WASF3: variants seen among roughly 807,000 people sequenced by gnomAD.
WASF3 encodes WASP family member 3.
In WASF3, 11 loss-of-function variants were observed where a neutral mutation model predicts 46.6. The ratio of observed to expected loss-of-function variants is 0.24; its 90% CI spans 0.15 to 0.39. The LOEUF is 0.39. WASF3 is among the 10% of genes least tolerant of loss of function. WASF3 has a pLI of 1.00. For synonymous variants in WASF3, 242 were observed against 259.7 expected (o/e 0.93, Z 0.65); for missense variants, 576 against 669.8 (o/e 0.86, Z 1.55).
At chr13:26,639,095 TCA>T (rs1351771375) in intron 2 of WASF3, among the ~76,000 whole-genome samples, 1 of 152,188 alleles carries the variant, frequency 6.6e-6, no homozygotes, top group East Asian at 1.9e-4. Flanking sequence ...CTACCCAGTC[TCA>T]GGTACTCTGT....
At position 26,656,538 on chromosome 13, in the gene WASF3, C is replaced by T. The variant is rs550015412; in HGVS notation, c.134-8490C>T. On this transcript the variant is annotated intron_variant, in intron 3 of 9. Coordinates refer to ENST00000335327, the MANE Select transcript of WASF3 (RefSeq NM_006646.6). ...TATTACTAACAATCTGGCCAGCCTA[C>T]AATAAATAACAAAATTGTTTTTCCC... Among the ~76,000 whole-genome samples, 4 of 152,104 alleles carry T rather than the reference C, an allele frequency of 2.6e-5. No individual in the cohort carries two copies. In the East Asian group the frequency reaches 7.7e-4, roughly 29 times the overall value.
chr13:26,552,142 G>A, the WASF3 span, among the ~76,000 whole-genome samples: 1 of 152,184 alleles, frequency 6.6e-6, no homozygotes, highest in Non-Finnish European at 1.5e-5. Flanking sequence ...TGGAAAAACA[G>A]CTTGTCTGTG....
At chr13:26,671,484 G>A (rs1251486565) in intron 5 of WASF3, among the ~76,000 whole-genome samples, 1 of 152,172 alleles carries the variant, frequency 6.6e-6, no homozygotes, top group Non-Finnish European at 1.5e-5. Flanking sequence ...CAGTGTAGAA[G>A]TGAATGTGTT....
upstream of WASF3, among the ~76,000 whole-genome samples, chr13:26,554,038 T>TC (rs1185252694): frequency 8.4e-4 from 78 of 92,578 alleles, 16 homozygotes; most frequent in East Asian, 3.4e-3. Context: ...TCTTTCTCTT[T>TC]CTTTCCTTCC....
At chr13:26,564,716 C>A (rs938741322) in intron 1 of WASF3, among the ~76,000 whole-genome samples, 1 of 152,042 alleles carries the variant, frequency 6.6e-6, no homozygotes. Flanking sequence ...ATTCTTGGCA[C>A]GTAGTAGATA....
At chr13:26,646,739 G>C (rs1391929974) in intron 3 of WASF3, among the ~76,000 whole-genome samples, 1 of 110,146 alleles carries the variant, frequency 9.1e-6, no homozygotes, top group Non-Finnish European at 2.3e-5. Context: ...TTGAGCAGCA[G>C]GAACTTGCCC....
At chr13:26,597,339 T>G (rs1000489959) in intron 1 of WASF3, among the ~76,000 whole-genome samples, 87 of 152,348 alleles carry the variant, frequency 5.7e-4, no homozygotes, top group Non-Finnish European at 1.2e-3. Context: ...TTCGCCATGT[T>G]GGCCAGGCTG....
rs1426171406 is a variant in WASF3 at position 26,643,988 on chromosome 13, CT to C, written c.133+1588del. Among the ~76,000 whole-genome samples the C allele has an allele frequency of 3.4e-4, 52 of 152,302 alleles. 1 individual carries two copies. The South Asian group carries it at 4.6e-3, about 13-fold the overall frequency. ...GGAATTAGGATTGCTAGTCAGCTTACTTTAAGAGAAGGAGATTACCCTGGTT... is the reference window on the plus strand; with the variant it reads ...GGAATTAGGATTGCTAGTCAGCTTACTTAAGAGAAGGAGATTACCCTGGTT... On this transcript the variant is annotated intron_variant, in intron 3 of 9. Transcript: ENST00000335327.
intron 5 of WASF3, among the ~76,000 whole-genome samples, chr13:26,670,616 G>A (rs1882903522): frequency 6.6e-6 from 1 of 152,138 alleles, no homozygotes; most frequent in South Asian, 2.1e-4. Flanking sequence ...CCTCTTATAT[G>A]TCTTAAATTT....
At chr13:26,632,598 A>G (rs550599168) in intron 2 of WASF3, among the ~76,000 whole-genome samples, 12 of 152,306 alleles carry the variant, frequency 7.9e-5, no homozygotes, top group Non-Finnish European at 1.8e-4. Context: ...GGATTTTCAC[A>G]TTGAAGTTCA....
chr13:26,660,574 G>T (rs1291938948), intron 3 of WASF3, among the ~76,000 whole-genome samples: 1 of 151,902 alleles, frequency 6.6e-6, no homozygotes, highest in South Asian at 2.1e-4. Flanking sequence ...GGACAGAGCA[G>T]CATGGGGTAC....
At chr13:26,544,524 T>G in the WASF3 span, among the ~76,000 whole-genome samples, 1 of 152,156 alleles carries the variant, frequency 6.6e-6, no homozygotes, top group Non-Finnish European at 1.5e-5. Flanking sequence ...AAGAGTTAAG[T>G]GAATCGCAAA....
At chr13:26,619,332 C>T (rs1232181184) in intron 2 of WASF3, 1 of 152,162 alleles carries the variant, frequency 6.6e-6, no homozygotes, top group Non-Finnish European at 1.5e-5. Context: ...GAAATGTCAC[C>T]TTAAACTGCT....
the WASF3 span, among the ~76,000 whole-genome samples, chr13:26,547,787 C>T: frequency 1.3e-5 from 2 of 152,128 alleles, no homozygotes; most frequent in Admixed American, 6.6e-5. Flanking sequence ...ATTTTTTGAA[C>T]ATCTCCATTA....
In WASF3 at chr13:26,681,318, C is replaced by T. The variant is rs765447027; in HGVS notation, c.981C>T (p.Tyr327=). ...CTGCACCGATGGCTCCAGCAGACTA[C>T]GGGTAACTCAGCATGCCTTGTACCC... is the stretch of plus-strand genomic sequence containing the variant. The part of the protein sequence containing the change: ...QASAPMAPAD[Y]GMLPAQIIEY... Residue 327 remains tyrosine (Y), a splice_region_variant and synonymous_variant, in exon 8 of 10, where the codon TAC becomes TAT. Transcript: ENST00000335327. 1.8e-5 allele frequency: 29 copies of T among 1,585,296 alleles called. No homozygotes were observed. The Middle Eastern group carries it at 6.8e-4, about 37-fold the overall frequency.
chr13:26,554,076 C>CT (rs1164603154), upstream of WASF3, among the ~76,000 whole-genome samples: 27 of 72,470 alleles, frequency 3.7e-4, no homozygotes, highest in East Asian at 2.1e-3. Context: ...TCCTTCCTTC[C>CT]TTCCTTCCTT....
chr13:26,646,800 A>C (rs997368034), intron 3 of WASF3, among the ~76,000 whole-genome samples: 2 of 152,192 alleles, frequency 1.3e-5, no homozygotes, highest in Non-Finnish European at 2.9e-5. Context: ...TAGGGAAGGA[A>C]AAACAGACCA....
chr13:26,577,322 A>G (rs1566039901), intron 1 of WASF3: 2 of 754,034 alleles, frequency 2.7e-6, no homozygotes, highest in Non-Finnish European at 4.9e-6. Context: ...AAAACAATGT[A>G]ACAATCCGAT....
At chr13:26,670,523 C>T (rs1417018506) in intron 5 of WASF3, among the ~76,000 whole-genome samples, 1 of 152,110 alleles carries the variant, frequency 6.6e-6, no homozygotes, top group Non-Finnish European at 1.5e-5. Context: ...TGTTTATATT[C>T]TTGTCAAGGT....
Sources: allele counts gnomAD v4.1 joint callset (sites outside exome capture counted in the v4.1 genomes callset), GRCh38; gene constraint gnomAD v4.1.1; transcripts MANE v1.5; gene names NCBI Gene and HGNC (gene_info 2026-07-23, HGNC 2026-07-21).